SLC25A48: variants seen among roughly 807,000 people sequenced by gnomAD.
SLC25A48 encodes solute carrier family 25 member 48.
Under a neutral mutation model 32.2 loss-of-function variants are expected in SLC25A48, and 29 were observed. The observed-to-expected ratio is 0.90, with a 90% CI of 0.67 to 1.23. The LOEUF (loss-of-function observed/expected upper bound fraction) is 1.23. Ranked by LOEUF, SLC25A48 falls within the 50% of genes most tolerant of loss-of-function variation. The probability of loss-of-function intolerance (pLI) is 0.00; values close to 1 mark genes in which losing one functional copy is unlikely to be tolerated. For missense variants in SLC25A48, 399 were observed against 422.7 expected, an observed-to-expected ratio of 0.94 and a Z score of 0.49; for synonymous variants, 164 against 172.3, an observed-to-expected ratio of 0.95 and a Z score of 0.38.
chr5:135,874,618 T>C (rs1761909517), intron 6 of SLC25A48: 1 of 679,392 alleles, frequency 1.5e-6, no homozygotes, highest in South Asian at 1.6e-5. Context: ...TGCCTTCTGC[T>C]CTCCCACCTG....
At chr5:135,619,695 C>A (rs13171268) in intron 1 of SLC25A48, among the ~76,000 whole-genome samples, 1 of 151,854 alleles carries the variant, frequency 6.6e-6, no homozygotes, top group African/African-American at 2.4e-5. Context: ...CATTGGGTAG[C>A]GTACTTTGGC....
intron 3 of SLC25A48, among the ~76,000 whole-genome samples, chr5:135,679,702 G>A (rs1753848932): frequency 6.6e-6 from 1 of 152,190 alleles, no homozygotes; most frequent in African/African-American, 2.4e-5. Context: ...CATGCACCTG[G>A]CTGAGGTGGT....
At chr5:135,643,914 C>G (rs540673792) in intron 3 of SLC25A48, among the ~76,000 whole-genome samples, 18 of 152,262 alleles carry the variant, frequency 1.2e-4, no homozygotes, top group Admixed American at 6.5e-5. Flanking sequence ...GCTTAGAGAG[C>G]TAAGTAACTT....
rs371628967 is a variant in SLC25A48, at chr5:135,772,174, G to A, written c.-520-40349G>A. 5.3e-5 allele frequency among the ~76,000 whole-genome samples: 8 copies of A among 151,460 alleles called. No homozygotes were observed. In the East Asian group the frequency reaches 1.2e-3, roughly 22 times the overall value. ...TGTAAACTCGCTTGTGATATTGTTC[G>A]TAATACCCAGGGTGTGAGAGGATGA... On this transcript the variant is annotated intron_variant, in intron 3 of 10. Coordinates refer to the SLC25A48 transcript ENST00000646290.
chr5:135,617,172 A>G (rs1335341547), intron 1 of SLC25A48, among the ~76,000 whole-genome samples: 3 of 151,978 alleles, frequency 2.0e-5, no homozygotes, highest in Non-Finnish European at 2.9e-5. Context: ...TATTTCTTTC[A>G]GATTCAATCT....
intron 3 of SLC25A48, among the ~76,000 whole-genome samples, chr5:135,788,337 T>C (rs1756907635): frequency 7.0e-6 from 1 of 143,822 alleles, no homozygotes; most frequent in Admixed American, 6.9e-5. Context: ...GTGATATTAC[T>C]CCCCATGGGT....
rs142469056 is a variant in SLC25A48 at position 135,586,044 on chromosome 5, T to G, written c.-849+6447T>G. Among the ~76,000 whole-genome samples the G allele has an allele frequency of 1.8e-3, 267 of 152,362 alleles. 1 individual carries two copies. Among genetic ancestry groups the G allele is most frequent in the Non-Finnish European group, 3.2e-3 (219 of 68,040 alleles). On this transcript the variant is annotated intron_variant, in intron 1 of 10. Transcript: ENST00000646290. ...CAAATATTAATTTATTTAATTTTCA[T>G]AACCACACAAAGTAGGTTATCCCCA...
chr5:135,746,632 T>C (rs1755649118), intron 3 of SLC25A48, among the ~76,000 whole-genome samples: 1 of 152,212 alleles, frequency 6.6e-6, no homozygotes, highest in Non-Finnish European at 1.5e-5. Context: ...GGATTTCCTA[T>C]CATACATACT....
At chr5:135,740,984 C>T (rs1580830943) in intron 3 of SLC25A48, among the ~76,000 whole-genome samples, 1 of 152,336 alleles carries the variant, frequency 6.6e-6, no homozygotes, top group East Asian at 1.9e-4. Context: ...ATCATCATCC[C>T]TTCATATCCA....
intron 2 of SLC25A48, chr5:135,634,749 C>T (rs752821628): frequency 6.6e-6 from 1 of 152,204 alleles, no homozygotes; most frequent in Non-Finnish European, 1.5e-5. Context: ...CAATGGCTTC[C>T]TCATTTGTTT....
At chr5:135,842,267 C>A in intron 1 of SLC25A48, 149 bp from the exon 2 acceptor site, 2 of 751,020 alleles carry the variant, frequency 2.7e-6, no homozygotes, top group Non-Finnish European at 4.7e-6. Context: ...GGTGCATGGG[C>A]CAGTGCCTAG....
intron 3 of SLC25A48, among the ~76,000 whole-genome samples, chr5:135,808,905 C>T (rs1757530633): frequency 6.6e-6 from 1 of 152,148 alleles, no homozygotes; most frequent in Non-Finnish European, 1.5e-5. Context: ...GTTTCAACAA[C>T]AGGAAGAAGC....
At chr5:135,789,779 T>C (rs1277470797) in intron 3 of SLC25A48, among the ~76,000 whole-genome samples, 1 of 151,954 alleles carries the variant, frequency 6.6e-6, no homozygotes, top group Non-Finnish European at 1.5e-5. Context: ...CCTTGCGATA[T>C]GGGGAGTAAA....
chr5:135,604,111 C>T (rs546011874), intron 1 of SLC25A48, among the ~76,000 whole-genome samples: 1 of 152,298 alleles, frequency 6.6e-6, no homozygotes, highest in East Asian at 1.9e-4. Flanking sequence ...CGTTATTATG[C>T]CCTCTGTGCA....
chr5:135,663,705 G>A (rs1381664152), intron 3 of SLC25A48, among the ~76,000 whole-genome samples: 1 of 152,196 alleles, frequency 6.6e-6, no homozygotes, highest in African/African-American at 2.4e-5. Context: ...GGCTACTCTT[G>A]TGTGGAGTTT....
At chr5:135,773,129 T>C (rs1756458335) in intron 3 of SLC25A48, among the ~76,000 whole-genome samples, 1 of 151,366 alleles carries the variant, frequency 6.6e-6, no homozygotes, top group Admixed American at 6.6e-5. Context: ...GTGATATTGT[T>C]TTGTAATATC....
chr5:135,696,904 G>T (rs934710571), intron 3 of SLC25A48, among the ~76,000 whole-genome samples: 5 of 152,136 alleles, frequency 3.3e-5, no homozygotes, highest in Admixed American at 1.3e-4. Flanking sequence ...AGGGCCCCTG[G>T]GGATGAGGCA....
chr5:135,878,579 G>A (rs1177967805), intron 6 of SLC25A48, among the ~76,000 whole-genome samples: 1 of 152,160 alleles, frequency 6.6e-6, no homozygotes, highest in African/African-American at 2.4e-5. Flanking sequence ...AGGCTGCTGT[G>A]AGGTGCTGGC....
chr5:135,723,795 G>A (rs2126985313), intron 3 of SLC25A48, among the ~76,000 whole-genome samples: 1 of 152,274 alleles, frequency 6.6e-6, no homozygotes, highest in South Asian at 2.1e-4. Flanking sequence ...ATTCCATCAA[G>A]TGGGGCTTCT....
Sources: allele counts gnomAD v4.1 joint callset (sites outside exome capture counted in the v4.1 genomes callset), GRCh38; gene constraint gnomAD v4.1.1; transcripts MANE v1.5; gene names NCBI Gene and HGNC (gene_info 2026-07-23, HGNC 2026-07-21).